AFG2A: variants seen among roughly 807,000 people sequenced by gnomAD.
AFG2A encodes AAA ATPase AFG2A.
At chr4:123,220,026 T>G in the AFG2A span, among the ~76,000 whole-genome samples, 1 of 152,016 alleles carries the variant, frequency 6.6e-6, no homozygotes, top group Non-Finnish European at 1.5e-5. Flanking sequence ...CATGCCACCA[T>G]GCCCAGCTAA....
the AFG2A span, among the ~76,000 whole-genome samples, chr4:123,313,674 G>A: frequency 4.6e-5 from 7 of 152,162 alleles, no homozygotes; most frequent in African/African-American, 7.2e-5. Flanking sequence ...TACTTAATAC[G>A]TTGCTTTGGG....
the AFG2A span, among the ~76,000 whole-genome samples, chr4:122,990,613 T>C: frequency 2.1e-4 from 32 of 152,082 alleles, no homozygotes; most frequent in African/African-American, 7.5e-4. Flanking sequence ...AGGCAGGAGC[T>C]CTCTCTGTCT....
At chr4:123,003,335 C>G in the AFG2A span, among the ~76,000 whole-genome samples, 2 of 152,210 alleles carry the variant, frequency 1.3e-5, no homozygotes, top group Non-Finnish European at 2.9e-5. Context: ...CAGCTTTGTT[C>G]TGTTGCTGGT....
chr4:123,016,557 A>G, the AFG2A span, among the ~76,000 whole-genome samples: 1 of 148,270 alleles, frequency 6.7e-6, no homozygotes, highest in African/African-American at 2.5e-5. Flanking sequence ...CACTTCCTAG[A>G]TGGGATGGCG....
chr4:123,204,090 CT>C, the AFG2A span, among the ~76,000 whole-genome samples: 1 of 152,218 alleles, frequency 6.6e-6, no homozygotes, highest in Non-Finnish European at 1.5e-5. Flanking sequence ...CCCTTTTCCA[CT>C]TTTAATTCTT....
chr4:123,133,490 G>A, the AFG2A span, among the ~76,000 whole-genome samples: 860 of 25,646 alleles, frequency 0.034, 7 homozygotes, highest in Admixed American at 0.037. Flanking sequence ...AGGCGTGTGC[G>A]TGTGTGTGTG....
At chr4:123,171,991 G>A in the AFG2A span, among the ~76,000 whole-genome samples, 1 of 151,938 alleles carries the variant, frequency 6.6e-6, no homozygotes, top group East Asian at 1.9e-4. Context: ...GGAAAACATA[G>A]TTGTTCACCA....
At chr4:123,024,989 G>A in the AFG2A span, among the ~76,000 whole-genome samples, 1 of 152,132 alleles carries the variant, frequency 6.6e-6, no homozygotes, top group Admixed American at 6.5e-5. Flanking sequence ...GCTAGGGGAC[G>A]GGGAATGCGG....
chr4:123,023,453 G>A, the AFG2A span, among the ~76,000 whole-genome samples: 1 of 152,142 alleles, frequency 6.6e-6, no homozygotes, highest in South Asian at 2.1e-4. Flanking sequence ...TTGAGAGAAA[G>A]AACTTCCTCC....
the AFG2A span, among the ~76,000 whole-genome samples, chr4:122,954,122 A>T: frequency 6.6e-6 from 1 of 152,188 alleles, no homozygotes; most frequent in Non-Finnish European, 1.5e-5. Context: ...GCTTCATTGC[A>T]GCCCACAACC....
At chr4:123,253,485 CAAAA>C in the AFG2A span, among the ~76,000 whole-genome samples, 4 of 136,460 alleles carry the variant, frequency 2.9e-5, no homozygotes, top group Non-Finnish European at 3.1e-5. Context: ...AACTCCACCT[CAAAA>C]AAAAAAAAAA....
At chr4:123,002,978 A>G in the AFG2A span, among the ~76,000 whole-genome samples, 5 of 152,210 alleles carry the variant, frequency 3.3e-5, no homozygotes, top group African/African-American at 1.2e-4. Context: ...ACATAGTCCC[A>G]TATTTCTTGG....
chr4:123,088,956 G>A, the AFG2A span, among the ~76,000 whole-genome samples: 5 of 152,112 alleles, frequency 3.3e-5, no homozygotes, highest in Non-Finnish European at 5.9e-5. Context: ...TTATTCTTAC[G>A]TAGAGTCAAA....
At chr4:123,237,885 A>G in the AFG2A span, among the ~76,000 whole-genome samples, 5,892 of 152,144 alleles carry the variant, frequency 0.039, 154 homozygotes, top group Admixed American at 0.058. Flanking sequence ...TGCCTCACCC[A>G]GGAACTGGAA....
At chr4:123,149,808 T>A in the AFG2A span, among the ~76,000 whole-genome samples, 1 of 46,038 alleles carries the variant, frequency 2.2e-5, no homozygotes, top group African/African-American at 3.6e-5. Flanking sequence ...CTTTTTTTTT[T>A]TTTTTTTTTT....
the AFG2A span, among the ~76,000 whole-genome samples, chr4:123,203,308 G>A: frequency 6.6e-6 from 1 of 151,702 alleles, no homozygotes; most frequent in Admixed American, 6.6e-5. Context: ...TCTCCACCAC[G>A]CCCAGCTAAT....
chr4:122,937,287 G>A, the AFG2A span, among the ~76,000 whole-genome samples: 1 of 152,274 alleles, frequency 6.6e-6, no homozygotes, highest in Non-Finnish European at 1.5e-5. Context: ...CTGAGCTCAA[G>A]TGATCCTCCC....
At chr4:123,271,061 T>C in the AFG2A span, among the ~76,000 whole-genome samples, 2 of 152,152 alleles carry the variant, frequency 1.3e-5, no homozygotes, top group Non-Finnish European at 1.5e-5. Context: ...ATGATGCCAT[T>C]GTAGACAACT....
chr4:123,103,890 A>C, the AFG2A span, among the ~76,000 whole-genome samples: 20 of 152,302 alleles, frequency 1.3e-4, no homozygotes, highest in African/African-American at 4.8e-4. Context: ...ATAGTCAGAT[A>C]TAAAAGACTA....
Sources: allele counts gnomAD v4.1 joint callset (sites outside exome capture counted in the v4.1 genomes callset), GRCh38; gene constraint gnomAD v4.1.1; transcripts MANE v1.5; gene names NCBI Gene and HGNC (gene_info 2026-07-23, HGNC 2026-07-21).